KCNK15: variants seen among roughly 807,000 people sequenced by gnomAD.
KCNK15 encodes the protein potassium channel subfamily K member 15.
In KCNK15, 9 loss-of-function variants were observed where a neutral mutation model predicts 8.5. That is an observed-to-expected ratio of 1.06 (90% CI 0.64 to 1.85). The LOEUF is 1.85. Ranked by LOEUF, KCNK15 falls within the 40% of genes most tolerant of loss-of-function variation. KCNK15 has a pLI of 0.00. For missense variants in KCNK15, 467 were observed against 476.8 expected (o/e 0.98, Z 0.19); for synonymous variants, 224 against 232.7 (o/e 0.96, Z 0.34).
intron 1 of KCNK15, 83 bp from the exon 2 acceptor site, chr20:44,750,046 C>T (rs1044755982): frequency 1.1e-5 from 15 of 1,319,084 alleles, no homozygotes; most frequent in Middle Eastern, 5.1e-4. Context: ...GGGAGGGACA[C>T]GCCGGGCAGG....
At chr20:44,748,010 G>T (rs1216504089) in intron 1 of KCNK15, among the ~76,000 whole-genome samples, 2 of 152,162 alleles carry the variant, frequency 1.3e-5, no homozygotes, top group African/African-American at 4.8e-5. Flanking sequence ...TATAAAATGG[G>T]AATAACAACA....
rs2066024707 is a variant in KCNK15, at chr20:44,750,409, CG to C, written c.565del (p.Ala189ProfsTer176). ...SHFEGWTFFH[A>X]YYYCFITLTT... is the part of the protein sequence containing the mutation. ...ACTTCGAGGGCTGGACCTTCTTCCA[CG>C]CCTACTACTACTGCTTCATCACCCT... On this transcript the variant is annotated frameshift_variant, in exon 2 of 2. Coordinates refer to ENST00000372861, the MANE Select transcript of KCNK15 (RefSeq NM_022358.4). LOFTEE classifies it low-confidence loss of function (END_TRUNC). 1 of 1,613,890 alleles carries C rather than the reference CG, an allele frequency of 6.2e-7. No homozygotes were observed. The highest frequency in any genetic ancestry group is 1.7e-5 in the Admixed American group (1 of 60,010).
chr20:44,746,280 G>T, intron 1 of KCNK15, 87 bp downstream of exon 1: 12 of 1,200,550 alleles, frequency 1.0e-5, no homozygotes, highest in Non-Finnish European at 1.3e-5. Context: ...CTCTGCCCCC[G>T]CCCAGCTGAG....
chr20:44,750,523 C>T lies in KCNK15; in HGVS notation c.678C>T (p.Leu226=), dbSNP rs1189243113. 6.2e-7 allele frequency: 1 copy of T among 1,612,998 alleles called. No individual in the cohort carries two copies. The highest frequency in any genetic ancestry group is 8.5e-7 in the Non-Finnish European group (1 of 1,179,524). Reference sequence around the variant, plus strand: ...TCCCCTACGTGGCCTTCAGCTTCCTCTACATCCTCCTGGGGCTCACGGTCA... The same window carrying T: ...TCCCCTACGTGGCCTTCAGCTTCCTTTACATCCTCCTGGGGCTCACGGTCA... ...RKLPYVAFSF[L]YILLGLTVIG... The change falls in exon 2 of 2, where the codon CTC becomes CTT. Residue 226 remains leucine (L), a synonymous_variant. Transcript: ENST00000372861.
In KCNK15 at chr20:44,750,785, G is replaced by T. The variant is rs2066028140; in HGVS notation, c.940G>T (p.Val314Phe). ...CTTTTCGCCCCCCTCGAGCCCGGGG[G>T]TCGTGCGTGGCGGGCAGGCTCCCAG... ...LGFSPPSSPG[V>F]VRGGQAPRLG... The change falls in exon 2 of 2, where the codon GTC (valine) becomes TTC (phenylalanine). Residue 314 changes from valine (V) to phenylalanine (F), a missense_variant. Coordinates refer to ENST00000372861, the MANE Select transcript of KCNK15 (RefSeq NM_022358.4). The T allele has an allele frequency of 6.6e-7, 1 of 1,506,202 alleles. No individual in the cohort carries two copies. Among genetic ancestry groups the T allele is most frequent in the South Asian group, 1.2e-5 (1 of 80,906 alleles). 93.3% of individuals were successfully genotyped at this position (1,506,202 alleles called of 1,614,324 possible).
Position 44,746,034 on chromosome 20 carries a change from G to A in KCNK15, c.124G>A (p.Val42Ile). 6.5e-7 allele frequency: 1 copy of A among 1,544,688 alleles called. No individual in the cohort carries two copies. The highest frequency in any genetic ancestry group is 8.7e-7 in the Non-Finnish European group (1 of 1,145,558). The stretch of plus-strand genomic sequence containing the variant: ...GGAAAGCGGCCGCCAGCGACTGCTG[G>A]TCCAGAAGCGGGGCGCTCTCCGGAG... Reference protein sequence around the residue: ...EAESGRQRLLVQKRGALRRKF... With the variant: ...EAESGRQRLLIQKRGALRRKF... Residue 42 changes from valine (V) to isoleucine (I), a missense_variant, in exon 1 of 2, where the codon GTC (valine) becomes ATC (isoleucine). This residue lies in a region of KCNK15 where 455 missense variants were observed against 441.2 expected (regional missense o/e 1.03). Coordinates refer to ENST00000372861, the MANE Select transcript of KCNK15 (RefSeq NM_022358.4).
At chr20:44,746,474 A>G (rs2066008505) in intron 1 of KCNK15, among the ~76,000 whole-genome samples, 1 of 152,052 alleles carries the variant, frequency 6.6e-6, no homozygotes, top group Non-Finnish European at 1.5e-5. Flanking sequence ...AAAACGTCCA[A>G]GGGGCTTGGA....
intron 1 of KCNK15, among the ~76,000 whole-genome samples, chr20:44,749,508 G>A (rs1434781210): frequency 6.6e-6 from 1 of 152,184 alleles, no homozygotes; most frequent in Non-Finnish European, 1.5e-5. Flanking sequence ...GACTGGGGAA[G>A]CAGCTCGGGG....
rs1384950628 is a variant in KCNK15 at position 44,752,061 on chromosome 20, T to A, written c.*1223T>A. 2.0e-5 allele frequency: 3 copies of A among 152,190 alleles called. No individual in the cohort carries two copies. The highest frequency in any genetic ancestry group is 4.8e-5 in the African/African-American group (2 of 41,426). The allele number at this position is 152,190 out of a possible 1,614,324, so 9.4% of individuals were successfully genotyped here. ...AGTGAAAGGGCTCCAGAGGTGATGC[T>A]CACAGCCCTGGGTTCGGCTCCATTC... On this transcript the variant is annotated 3_prime_UTR_variant, in exon 2 of 2. Coordinates refer to ENST00000372861, the MANE Select transcript of KCNK15 (RefSeq NM_022358.4).
chr20:44,748,815 G>A (rs562658325), intron 1 of KCNK15, among the ~76,000 whole-genome samples: 1 of 152,230 alleles, frequency 6.6e-6, no homozygotes, highest in South Asian at 2.1e-4. Flanking sequence ...GTTTAGCAGT[G>A]TCCCTGGCCT....
Position 44,745,934 on chromosome 20 carries a change from G to A in KCNK15, c.24G>A (p.Ala8=). The change falls in exon 1 of 2, where the codon GCG becomes GCA. Residue 8 remains alanine, a synonymous_variant. Transcript: ENST00000372861. MRRPSVR[A]AGLVLCTLCY... ...CCATGCGGAGGCCGAGCGTGCGCGC[G>A]GCCGGGCTGGTCCTGTGCACCCTGT... is the stretch of plus-strand genomic sequence containing the variant. The A allele has an allele frequency of 1.5e-6, 2 of 1,344,102 alleles. No individual in the cohort carries two copies. The highest frequency in any genetic ancestry group is 2.9e-5 in the East Asian group (1 of 34,576). 83.3% of individuals were successfully genotyped at this position (1,344,102 alleles called of 1,614,324 possible). A position where few individuals can be genotyped will look rare whatever the true frequency, so the allele number is the denominator to read the frequency against.
intron 1 of KCNK15, chr20:44,747,016 G>C (rs2066010524): frequency 6.6e-6 from 1 of 152,254 alleles, no homozygotes; most frequent in South Asian, 2.1e-4. Context: ...GGGCTCTGCA[G>C]GGCTCCAGGC....
rs2066004454 is a variant in KCNK15 at position 44,745,956 on chromosome 20, CT to C, written c.47del (p.Leu16ArgfsTer105). 3 of 1,452,630 alleles carry C rather than the reference CT, an allele frequency of 2.1e-6. No homozygotes were observed. The South Asian group carries it at 4.4e-5, about 21-fold the overall frequency. The allele number at this position is 1,452,630 out of a possible 1,614,324, so 90.0% of individuals were successfully genotyped here. On this transcript the variant is annotated frameshift_variant, in exon 1 of 2. Transcript: ENST00000372861. LOFTEE classifies it high-confidence loss of function. ...CGCGGCCGGGCTGGTCCTGTGCACC[CT>C]GTGTTACCTGCTGGTGGGCGCTGCT... ...VRAAGLVLCT[L>X]CYLLVGAAVF...
rs13037900 is a variant in KCNK15 at position 44,750,627 on chromosome 20, C to G, written c.782C>G (p.Pro261Arg). Residue 261 changes from proline (P) to arginine (R), a missense_variant, in exon 2 of 2, where the codon CCC becomes CGC. Physicochemically the swap from Pro to Arg is moderately radical, Grantham distance 103 (BLOSUM62 -2). Around this residue, in one of 2 missense-constraint regions of KCNK15, gnomAD observed 455 missense variants for 441.2 expected, o/e 1.03. Transcript: ENST00000372861. ...TGGCCCGAGCGCGCTGCCCGCACCC[C>G]CAGCCCGCGCCCCCCGGGGGCGCCC... ...ADWPERAART[P>R]SPRPPGAPES... 10 of 1,586,882 alleles carry G rather than the reference C, an allele frequency of 6.3e-6. No individual in the cohort carries two copies. Among genetic ancestry groups the G allele is most frequent in the African/African-American group, 4.1e-5 (3 of 74,028 alleles).
At position 44,751,079 on chromosome 20, in the gene KCNK15, A is replaced by C. The variant is rs2066029916; in HGVS notation, c.*241A>C. On this transcript the variant is annotated 3_prime_UTR_variant, in exon 2 of 2. Transcript: ENST00000372861. ...TGTAGGAGCAAATTCCTTGTAGTCC[A>C]AATTGTATGAGGGCGTGGCCACATC... is the stretch of plus-strand genomic sequence containing the variant. The C allele has an allele frequency of 2.9e-6, 1 of 348,346 alleles. No homozygotes were observed. The highest frequency in any genetic ancestry group is 5.1e-6 in the Non-Finnish European group (1 of 195,648). The allele number at this position is 348,346 out of a possible 1,614,324, so 21.6% of individuals were successfully genotyped here.
At chr20:44,750,045 A>C in intron 1 of KCNK15, 84 bp from the exon 2 acceptor site, 1 of 1,297,608 alleles carries the variant, frequency 7.7e-7, no homozygotes, top group Non-Finnish European at 1.0e-6. Flanking sequence ...GGGGAGGGAC[A>C]CGCCGGGCAG....
rs1319962270 is a variant in KCNK15, at chr20:44,751,589, C to T, written c.*751C>T. ...ATGACCTTGGAGAATCGCATCCTCT[C>T]CCAGGGCCTCAGTTTCCACATCTGT... On this transcript the variant is annotated 3_prime_UTR_variant, in exon 2 of 2. Transcript: ENST00000372861. 6.6e-6 allele frequency: 1 copy of T among 152,238 alleles called. No individual in the cohort carries two copies. The highest frequency in any genetic ancestry group is 1.5e-5 in the Non-Finnish European group (1 of 68,084). 9.4% of individuals were successfully genotyped at this position (152,238 alleles called of 1,614,324 possible).
Position 44,752,013 on chromosome 20 carries a change from A to G in KCNK15, c.*1175A>G, listed in dbSNP as rs988000240. 6.6e-6 allele frequency: 1 copy of G among 152,096 alleles called. No homozygotes were observed. Among genetic ancestry groups the G allele is most frequent in the African/African-American group, 2.4e-5 (1 of 41,376 alleles). 9.4% of individuals were successfully genotyped at this position (152,096 alleles called of 1,614,324 possible). On this transcript the variant is annotated 3_prime_UTR_variant, in exon 2 of 2. Coordinates refer to ENST00000372861, the MANE Select transcript of KCNK15 (RefSeq NM_022358.4). ...GGACCCAGGCTCCTGCCTTCCCACC[A>G]CCCGTCCAGGAAGCAGTCATAAAGT...
rs2066034648 is a variant in KCNK15 at position 44,751,984 on chromosome 20, C to T, written c.*1146C>T. The T allele has an allele frequency of 6.6e-6, 1 of 152,254 alleles. No homozygotes were observed. The highest frequency in any genetic ancestry group is 1.5e-5 in the Non-Finnish European group (1 of 68,130). The allele number at this position is 152,254 out of a possible 1,614,324, so 9.4% of individuals were successfully genotyped here. A position where few individuals can be genotyped will look rare whatever the true frequency, so the allele number is the denominator to read the frequency against. On this transcript the variant is annotated 3_prime_UTR_variant, in exon 2 of 2. Transcript: ENST00000372861. ...GGGTGGATGGAGAGAGGCCCCCAGC[C>T]TAAGGACCCAGGCTCCTGCCTTCCC...
Sources: gnomAD v4.1 joint callset for allele counts (sites outside exome capture counted in the v4.1 genomes callset) on GRCh38, gnomAD v4.1.1 for gene constraint, gnomAD v4.1.1 regional missense constraint, MANE v1.5 for transcripts, NCBI Gene and HGNC (gene_info 2026-07-23, HGNC 2026-07-21) for gene names.